The following ZFAT variants were observed in gnomAD, a reference collection of about 807,000 sequenced individuals.
The protein encoded by ZFAT is zinc finger and AT-hook domain containing, also known as zinc finger protein ZFAT.
In ZFAT, 64 loss-of-function variants were observed where a neutral mutation model predicts 117.7. The observed-to-expected ratio is 0.54, with a 90% CI of 0.44 to 0.67. ZFAT has a LOEUF of 0.67. ZFAT is among the 30% of genes least tolerant of loss of function. The pLI is 0.00. For synonymous variants in ZFAT, 679 were observed against 615.0 expected (o/e 1.10, Z -1.54); for missense variants, 1,433 against 1,584.5 (o/e 0.90, Z 1.62).
chr8:134,508,236 G>A (rs1044904416), intron 15 of ZFAT, among the ~76,000 whole-genome samples: 2 of 152,164 alleles, frequency 1.3e-5, no homozygotes, highest in South Asian at 2.1e-4. Context: ...AGAACTACTT[G>A]GCCTGAATTT....
At chr8:134,815,338 T>A in the ZFAT span, among the ~76,000 whole-genome samples, 5 of 152,236 alleles carry the variant, frequency 3.3e-5, no homozygotes, top group Admixed American at 3.3e-4. Context: ...CTAGACTTGC[T>A]TTTGCTAGAG....
Position 134,546,215 on chromosome 8 carries a change from C to A in ZFAT, c.2977-13243G>T, listed in dbSNP as rs527698719. On this transcript the variant is annotated intron_variant, in intron 11 of 15. Coordinates refer to ENST00000377838, the MANE Select transcript of ZFAT (RefSeq NM_020863.4). ...TTCTCTCTAAAGACCCAGTGACAGGCCTAGAGGAAATATTAACTATAAATC... is the reference window on the plus strand; with the variant it reads ...TTCTCTCTAAAGACCCAGTGACAGGACTAGAGGAAATATTAACTATAAATC... 2.0e-5 allele frequency among the ~76,000 whole-genome samples: 3 copies of A among 152,278 alleles called. 1 individual carries two copies. In the South Asian group the frequency reaches 6.2e-4, roughly 32 times the overall value.
At chr8:134,770,202 C>T in the ZFAT span, among the ~76,000 whole-genome samples, 25 of 152,174 alleles carry the variant, frequency 1.6e-4, no homozygotes, top group Admixed American at 4.6e-4. Context: ...CTTTTTCTAT[C>T]GCATTGTCAG....
chr8:134,742,457 T>G, the ZFAT span, among the ~76,000 whole-genome samples: 1 of 152,176 alleles, frequency 6.6e-6, no homozygotes, highest in Non-Finnish European at 1.5e-5. Flanking sequence ...TGTACAGAAC[T>G]GTGTGAAAAT....
intron 12 of ZFAT, 35 bp downstream of exon 12, chr8:134,532,799 C>A (rs371001160): frequency 5.0e-6 from 8 of 1,602,164 alleles, no homozygotes; most frequent in African/African-American, 2.7e-5. Context: ...TAAAAGGAAG[C>A]GGGCAGGGCC....
chr8:134,497,435 T>C (rs1212277082), intron 15 of ZFAT, among the ~76,000 whole-genome samples: 6 of 150,574 alleles, frequency 4.0e-5, no homozygotes, highest in African/African-American at 7.4e-5. Context: ...TTTGGTAGGG[T>C]TGGGGTGGAG....
chr8:134,503,786 T>C (rs1239433616), intron 15 of ZFAT, among the ~76,000 whole-genome samples: 1 of 152,118 alleles, frequency 6.6e-6, no homozygotes, highest in Non-Finnish European at 1.5e-5. Context: ...CCTTCCTGTG[T>C]CCTAAGCCTG....
chr8:134,721,160 C>T, the ZFAT span, among the ~76,000 whole-genome samples: 1 of 152,148 alleles, frequency 6.6e-6, no homozygotes, highest in African/African-American at 2.4e-5. Flanking sequence ...AAGAAAGCCC[C>T]GTTGTGACAA....
At chr8:134,565,029 A>T in intron 11 of ZFAT, 6 of 1,348,968 alleles carry the variant, frequency 4.4e-6, no homozygotes, top group Non-Finnish European at 5.8e-6. Flanking sequence ...CGTGTCCCTA[A>T]AGCCTGCAAG....
At chr8:134,739,679 G>T in the ZFAT span, among the ~76,000 whole-genome samples, 1 of 152,208 alleles carries the variant, frequency 6.6e-6, no homozygotes, top group Non-Finnish European at 1.5e-5. Context: ...TAGGAAGAGA[G>T]ATAAACAATG....
upstream of ZFAT, among the ~76,000 whole-genome samples, chr8:134,717,121 A>C (rs964855890): frequency 6.6e-6 from 1 of 152,222 alleles, no homozygotes; most frequent in East Asian, 1.9e-4. Flanking sequence ...TTAAACTGCT[A>C]TATGGCCCTG....
the ZFAT span, among the ~76,000 whole-genome samples, chr8:134,820,441 G>T: frequency 1.3e-5 from 2 of 152,226 alleles, no homozygotes; most frequent in Admixed American, 1.3e-4. Flanking sequence ...AGCACCTTGA[G>T]TGATGCCAGT....
In ZFAT at chr8:134,581,158, A is replaced by G. The variant is rs552686665; in HGVS notation, c.2887+2674T>C. ...GACATGTTATGGGAGAAAATTAAAA[A>G]GGAAATGACTCACCTATAGCTTAAT... On this transcript the variant is annotated intron_variant, in intron 10 of 15. Coordinates refer to ENST00000377838, the MANE Select transcript of ZFAT (RefSeq NM_020863.4). 3.3e-5 allele frequency among the ~76,000 whole-genome samples: 5 copies of G among 152,276 alleles called. No homozygotes were observed. In the South Asian group the frequency reaches 1.0e-3, roughly 32 times the overall value.
Position 134,690,784 on chromosome 8 carries a change from T to C in ZFAT, c.19+22061A>G, listed in dbSNP as rs994844873. ...AAATATTTAATGTATTCTCCAAATA[T>C]CTGGGCTGTTCAGTTTTTATTAGGA... On this transcript the variant is annotated intron_variant, in intron 1 of 15. Coordinates refer to ENST00000377838, the MANE Select transcript of ZFAT (RefSeq NM_020863.4). Among the ~76,000 whole-genome samples the C allele has an allele frequency of 8.5e-5, 13 of 152,196 alleles. 1 individual carries two copies. The highest frequency in any genetic ancestry group is 2.9e-5 in the Non-Finnish European group (2 of 68,032).
At chr8:134,649,742 A>G (rs1011676874) in intron 2 of ZFAT, among the ~76,000 whole-genome samples, 4 of 152,208 alleles carry the variant, frequency 2.6e-5, no homozygotes, top group Non-Finnish European at 5.9e-5. Flanking sequence ...TTCCATGTTC[A>G]TGGATTGGAA....
At chr8:134,632,017 A>G (rs1361471714) in intron 3 of ZFAT, among the ~76,000 whole-genome samples, 1 of 152,158 alleles carries the variant, frequency 6.6e-6, no homozygotes, top group East Asian at 1.9e-4. Flanking sequence ...ATATTTATTA[A>G]GATAATTCCT....
chr8:134,501,528 A>G (rs112591759), intron 15 of ZFAT, among the ~76,000 whole-genome samples: 2,103 of 152,344 alleles, frequency 0.014, 48 homozygotes, highest in African/African-American at 0.047. Flanking sequence ...AATGACAGAA[A>G]AAAACCGTTA....
At chr8:134,716,818 G>C (rs774877932), upstream of ZFAT, among the ~76,000 whole-genome samples, 1 of 152,122 alleles carries the variant, frequency 6.6e-6, no homozygotes, top group Non-Finnish European at 1.5e-5. Flanking sequence ...TCAAAGAAAG[G>C]GTCAAAATAG....
chr8:134,783,551 A>C, the ZFAT span: 6 of 152,238 alleles, frequency 3.9e-5, no homozygotes, highest in African/African-American at 1.4e-4. Context: ...TGTTGCTGTA[A>C]GTGACCAAAT....
Sources: gnomAD v4.1 joint callset for allele counts (sites outside exome capture counted in the v4.1 genomes callset) on GRCh38, gnomAD v4.1.1 for gene constraint, MANE v1.5 for transcripts, NCBI Gene and HGNC (gene_info 2026-07-23, HGNC 2026-07-21) for gene names.